The following CHSY3 variants were observed in gnomAD, a reference collection of about 807,000 sequenced individuals.
CHSY3 encodes N-acetylgalactosaminyl-proteoglycan 3-beta-glucuronosyltransferase 3.
Under a neutral mutation model 67.2 loss-of-function variants are expected in CHSY3, and 35 were observed. That is an observed-to-expected ratio of 0.52 (90% CI 0.40 to 0.69). The LOEUF (loss-of-function observed/expected upper bound fraction) is 0.69, where lower values mean the gene tolerates loss of function less well. Among genes scored for constraint, CHSY3 ranks in the 30% least tolerant of loss-of-function variants. The probability of loss-of-function intolerance (pLI) is 0.00; values close to 1 mark genes in which losing one functional copy is unlikely to be tolerated. For synonymous variants in CHSY3, 474 were observed against 434.7 expected (o/e 1.09, Z -1.12); for missense variants, 1,069 against 1,138.5 (o/e 0.94, Z 0.88).
intron 2 of CHSY3, among the ~76,000 whole-genome samples, chr5:130,147,893 G>A (rs1162535774): frequency 6.6e-6 from 1 of 152,130 alleles, no homozygotes; most frequent in East Asian, 1.9e-4. Flanking sequence ...ACATGTGCAG[G>A]TTTGTTACAC....
intron 2 of CHSY3, among the ~76,000 whole-genome samples, chr5:129,994,836 G>A (rs1763485316): frequency 7.5e-6 from 1 of 132,934 alleles, no homozygotes; most frequent in South Asian, 2.6e-4. Context: ...TCATAGGTGG[G>A]AATTGAACAA....
intron 2 of CHSY3, among the ~76,000 whole-genome samples, chr5:129,920,332 G>A (rs1446664980): frequency 3.3e-5 from 5 of 152,124 alleles, no homozygotes; most frequent in African/African-American, 7.2e-5. Flanking sequence ...TGCAACCTCC[G>A]CCTCCCAAGT....
At chr5:130,001,741 TA>T in intron 2 of CHSY3, 1 of 838,790 alleles carries the variant, frequency 1.2e-6, no homozygotes, top group Non-Finnish European at 1.4e-6. Context: ...TCTATGCTCA[TA>T]AAAATTGGCA....
intron 2 of CHSY3, among the ~76,000 whole-genome samples, chr5:130,095,651 A>G (rs1406541333): frequency 2.0e-5 from 3 of 152,234 alleles, no homozygotes. Flanking sequence ...GAAAATCACT[A>G]TTAGAATATC....
intron 2 of CHSY3, among the ~76,000 whole-genome samples, chr5:129,973,043 C>T (rs1762689962): frequency 6.6e-6 from 1 of 151,954 alleles, no homozygotes; most frequent in Non-Finnish European, 1.5e-5. Flanking sequence ...TTGTAACTCT[C>T]TCACATGATG....
chr5:130,107,218 C>T (rs531388813), intron 2 of CHSY3, among the ~76,000 whole-genome samples: 1 of 151,256 alleles, frequency 6.6e-6, no homozygotes, highest in Admixed American at 6.6e-5. Flanking sequence ...TACTCTTCAC[C>T]TATAAAAACA....
chr5:129,935,724 A>T (rs1213400817), intron 2 of CHSY3, among the ~76,000 whole-genome samples: 2 of 152,204 alleles, frequency 1.3e-5, no homozygotes, highest in Non-Finnish European at 2.9e-5. Flanking sequence ...TGCATTTTAA[A>T]ATAAGTGTTA....
chr5:130,130,171 A>C (rs1447265920), intron 2 of CHSY3, among the ~76,000 whole-genome samples: 1 of 152,096 alleles, frequency 6.6e-6, no homozygotes, highest in Non-Finnish European at 1.5e-5. Flanking sequence ...TTTAATTTTT[A>C]AAGGTACTAC....
In CHSY3 at chr5:129,907,665, G is replaced by A. The variant is rs112070817; in HGVS notation, c.803-412G>A. ...CAAAACACTGAACTAAACCAATTAT[G>A]AGTAAAAAATAATTATTAGGTATTA... On this transcript the variant is annotated intron_variant, in intron 1 of 2. Transcript: ENST00000305031. 4.6e-3 allele frequency among the ~76,000 whole-genome samples: 702 copies of A among 152,180 alleles called. 8 individuals are homozygous for A. Among genetic ancestry groups the A allele is most frequent in the African/African-American group, 0.016 (660 of 41,518 alleles).
At chr5:130,115,112 T>G (rs1340913595) in intron 2 of CHSY3, among the ~76,000 whole-genome samples, 1 of 152,062 alleles carries the variant, frequency 6.6e-6, no homozygotes, top group African/African-American at 2.4e-5. Context: ...GGTAATTTTA[T>G]TTCTTTTCTC....
chr5:129,936,395 G>C (rs1027461691), intron 2 of CHSY3, among the ~76,000 whole-genome samples: 1 of 151,922 alleles, frequency 6.6e-6, no homozygotes, highest in Admixed American at 6.6e-5. Context: ...GGCTGACAGC[G>C]ACAGGGCCTA....
At chr5:130,170,252 T>C (rs1010531905) in intron 2 of CHSY3, among the ~76,000 whole-genome samples, 2 of 152,162 alleles carry the variant, frequency 1.3e-5, no homozygotes, top group Non-Finnish European at 2.9e-5. Context: ...TTCTTGTTTC[T>C]GAGTTAGTTC....
intron 2 of CHSY3, chr5:130,141,918 T>C: frequency 4.4e-6 from 1 of 229,136 alleles, no homozygotes; most frequent in South Asian, 5.6e-5. Flanking sequence ...CTGCTGGAGC[T>C]TCCCCAGGGC....
chr5:130,169,463 A>G (rs1769839233), intron 2 of CHSY3, among the ~76,000 whole-genome samples: 1 of 152,134 alleles, frequency 6.6e-6, no homozygotes, highest in Non-Finnish European at 1.5e-5. Flanking sequence ...CTACAGAAGC[A>G]TAAATGATGA....
At chr5:129,958,998 C>G (rs1762255021) in intron 2 of CHSY3, among the ~76,000 whole-genome samples, 1 of 152,072 alleles carries the variant, frequency 6.6e-6, no homozygotes, top group South Asian at 2.1e-4. Context: ...AGTTTGTTAG[C>G]TAAACATAGC....
chr5:129,980,341 G>A (rs1296175542), intron 2 of CHSY3, among the ~76,000 whole-genome samples: 1 of 152,138 alleles, frequency 6.6e-6, no homozygotes, highest in Admixed American at 6.6e-5. Context: ...ATAATGTGGA[G>A]CGTATTTTCA....
intron 2 of CHSY3, among the ~76,000 whole-genome samples, chr5:130,174,205 T>C (rs1277745059): frequency 1.3e-5 from 2 of 152,004 alleles, no homozygotes; most frequent in Non-Finnish European, 2.9e-5. Context: ...CACTTCCTGG[T>C]AAAGGAATGC....
rs139793583 is a variant in CHSY3 at position 130,014,995 on chromosome 5, C to T, written c.1086+106635C>T. Among the ~76,000 whole-genome samples the T allele has an allele frequency of 1.4e-4, 22 of 152,272 alleles. No homozygotes were observed. The South Asian group carries it at 2.9e-3, about 20-fold the overall frequency. Reference sequence around the variant, plus strand: ...TCAAATATCTATAATATATAAGGAACTGATATGGTTTGGCTCTGTACTCAA... The same window carrying T: ...TCAAATATCTATAATATATAAGGAATTGATATGGTTTGGCTCTGTACTCAA... On this transcript the variant is annotated intron_variant, in intron 2 of 2. Transcript: ENST00000305031.
At chr5:130,086,548 C>A (rs576222030) in intron 2 of CHSY3, among the ~76,000 whole-genome samples, 5 of 152,010 alleles carry the variant, frequency 3.3e-5, no homozygotes, top group African/African-American at 1.2e-4. Context: ...ACCACCAATC[C>A]CACAGAAATA....
Sources: gnomAD v4.1 joint callset for allele counts (sites outside exome capture counted in the v4.1 genomes callset) on GRCh38, gnomAD v4.1.1 for gene constraint, MANE v1.5 for transcripts, NCBI Gene and HGNC (gene_info 2026-07-23, HGNC 2026-07-21) for gene names.